The following HNRNPM variants were observed in gnomAD, a reference collection of about 807,000 sequenced individuals.
HNRNPM encodes the protein heterogeneous nuclear ribonucleoprotein M, also known as CEA receptor.
A neutral mutation model predicts 73.1 loss-of-function variants in HNRNPM; 11 were observed. The ratio of observed to expected loss-of-function variants is 0.15; its 90% CI spans 0.09 to 0.25. HNRNPM has a LOEUF of 0.25. Among genes scored for constraint, HNRNPM ranks in the 10% least tolerant of loss-of-function variants. The pLI is 1.00. For missense variants in HNRNPM, 789 were observed against 1,067.9 expected, an observed-to-expected ratio of 0.74 and a Z score of 3.64; for synonymous variants, 407 against 355.2, an observed-to-expected ratio of 1.15 and a Z score of -1.64.
intron 5 of HNRNPM, chr19:8,463,921 G>C: frequency 2.0e-6 from 1 of 487,946 alleles, no homozygotes; most frequent in Non-Finnish European, 3.7e-6. Flanking sequence ...TCTGTGATTT[G>C]TCTGAGGCCT....
intron 8 of HNRNPM, 60 bp downstream of exon 8, chr19:8,467,644 T>TA (rs1462090961): frequency 2.2e-5 from 27 of 1,213,670 alleles, no homozygotes; most frequent in Non-Finnish European, 3.3e-5. Context: ...ATGGAATTAA[T>TA]AAGAGTGTAC....
rs1469660246 is a variant in HNRNPM, at chr19:8,445,328, A to G, written c.113+217A>G. The G allele has an allele frequency of 1.2e-5, 5 of 405,532 alleles. No individual in the cohort carries two copies. In the Admixed American group the frequency reaches 1.4e-4, roughly 11 times the overall value. The allele number at this position is 405,532 out of a possible 1,614,324, so 25.1% of individuals were successfully genotyped here. On this transcript the variant is annotated intron_variant, in intron 1 of 15. Coordinates refer to ENST00000325495, the MANE Select transcript of HNRNPM (RefSeq NM_005968.5). ...CCTACACCGGGCCTCGAGCCTCGCC[A>G]CCCTCAGTCCCTCCAGGCCGGGGCC...
chr19:8,474,322 C>A, intron 12 of HNRNPM, 78 bp downstream of exon 12: 1 of 893,102 alleles, frequency 1.1e-6, no homozygotes, highest in Non-Finnish European at 1.7e-6. Context: ...AGGCTGCAGA[C>A]CCACTGAATA....
At chr19:8,465,061 A>C (rs1390305271) in intron 5 of HNRNPM, among the ~76,000 whole-genome samples, 1 of 151,674 alleles carries the variant, frequency 6.6e-6, no homozygotes, top group African/African-American at 2.4e-5. Context: ...TTCCCTCCCT[A>C]CCCTGCTTTT....
chr19:8,447,605 C>A (rs919382756), intron 1 of HNRNPM, among the ~76,000 whole-genome samples: 11 of 152,076 alleles, frequency 7.2e-5, no homozygotes, highest in Admixed American at 7.2e-4. Flanking sequence ...TGAAGTTGTG[C>A]TGGGTGTAGT....
At chr19:8,459,840 G>C (rs1243366961) in intron 2 of HNRNPM, among the ~76,000 whole-genome samples, 2 of 152,192 alleles carry the variant, frequency 1.3e-5, no homozygotes, top group African/African-American at 4.8e-5. Context: ...TCACTTAAAT[G>C]TTGGTCAAAA....
At chr19:8,475,426 T>G (rs1970431852) in intron 12 of HNRNPM, among the ~76,000 whole-genome samples, 1 of 152,240 alleles carries the variant, frequency 6.6e-6, no homozygotes, top group African/African-American at 2.4e-5. Flanking sequence ...GACTGAGAAG[T>G]CATTAGGGAT....
chr19:8,488,343 C>T (rs532039919), intron 15 of HNRNPM: 23 of 223,758 alleles, frequency 1.0e-4, no homozygotes, highest in South Asian at 3.2e-4. Flanking sequence ...CATTGGATTG[C>T]GGATGGCTTT....
Position 8,473,727 on chromosome 19 carries a change from A to G in HNRNPM, c.1042+19A>G, listed in dbSNP as rs1970318148. 7.0e-7 allele frequency: 1 copy of G among 1,428,984 alleles called. No individual in the cohort carries two copies. The highest frequency in any genetic ancestry group is 9.9e-7 in the Non-Finnish European group (1 of 1,013,494). 88.5% of individuals were successfully genotyped at this position (1,428,984 alleles called of 1,614,324 possible). A position where few individuals can be genotyped will look rare whatever the true frequency, so the allele number is the denominator to read the frequency against. ...ATGGGAGGTAAGAAATTTAAAATGA[A>G]GTACAAGCATAATCACTTTTAGGCA... is the stretch of plus-strand genomic sequence containing the variant. On this transcript the variant is annotated intron_variant, in intron 11 of 15. Transcript: ENST00000325495.
rs17179758 is a variant in HNRNPM at position 8,471,402 on chromosome 19, C to T, written c.972C>T (p.Ile324=). ...PIDANHLNKG[I]GMGNIGPAGM... ...ATGCCAATCACCTGAATAAAGGCAT[C>T]GGAATGGGAAACATAGGTCCCGCAG... is the stretch of plus-strand genomic sequence containing the variant. Residue 324 remains isoleucine, a synonymous_variant, in exon 10 of 16, where the codon ATC becomes ATT. Coordinates refer to ENST00000325495, the MANE Select transcript of HNRNPM (RefSeq NM_005968.5). 49 of 1,604,082 alleles carry T rather than the reference C, an allele frequency of 3.1e-5. No homozygotes were observed. The highest frequency in any genetic ancestry group is 3.0e-4 in the East Asian group (13 of 43,922).
At chr19:8,459,511 G>T (rs1241879940) in intron 2 of HNRNPM, among the ~76,000 whole-genome samples, 1 of 152,140 alleles carries the variant, frequency 6.6e-6, no homozygotes, top group African/African-American at 2.4e-5. Context: ...GGCAGCCTGA[G>T]AATTGACCGT....
intron 8 of HNRNPM, among the ~76,000 whole-genome samples, chr19:8,468,062 A>C (rs1285894469): frequency 6.6e-6 from 1 of 152,214 alleles, no homozygotes; most frequent in African/African-American, 2.4e-5. Context: ...CATTTTGCTC[A>C]TGGCAGCTCT....
chr19:8,473,816 A>G (rs1021537479), intron 11 of HNRNPM, 108 bp downstream of exon 11: 1 of 775,528 alleles, frequency 1.3e-6, no homozygotes, highest in Non-Finnish European at 2.1e-6. Context: ...CTTTGGTTTC[A>G]GTTTGAGTCT....
intron 5 of HNRNPM, among the ~76,000 whole-genome samples, chr19:8,464,416 T>G (rs1276416584): frequency 6.6e-6 from 1 of 152,094 alleles, no homozygotes; most frequent in African/African-American, 2.4e-5. Context: ...GGTGGGTGGA[T>G]CAAGGTCATG....
In HNRNPM at chr19:8,455,587, G is replaced by T. The variant is rs1482574413; in HGVS notation, c.283+13G>T. The T allele has an allele frequency of 6.2e-7, 1 of 1,605,424 alleles. No individual in the cohort carries two copies. Among genetic ancestry groups the T allele is most frequent in the Non-Finnish European group, 8.5e-7 (1 of 1,173,848 alleles). Reference sequence around the variant, plus strand: ...GTTAAAGAAAAAGGTAATGGTACTGGTGATTGAGTAGGGTGAGAAGGTTGG... The same window carrying T: ...GTTAAAGAAAAAGGTAATGGTACTGTTGATTGAGTAGGGTGAGAAGGTTGG... On this transcript the variant is annotated intron_variant, in intron 2 of 15. Transcript: ENST00000325495.
Position 8,488,879 on chromosome 19 carries a change from T to TA in HNRNPM, c.*26dup. On this transcript the variant is annotated 3_prime_UTR_variant, in exon 16 of 16. Transcript: ENST00000325495. Reference sequence around the variant, plus strand: ...AGCAGTTGCCTTTTTTAAACATCGATACGAGACCTCTGAATTTGTATTTTT... The same window carrying TA: ...AGCAGTTGCCTTTTTTAAACATCGATAACGAGACCTCTGAATTTGTATTTTT... 1.9e-6 allele frequency: 3 copies of TA among 1,575,788 alleles called. No individual in the cohort carries two copies. The highest frequency in any genetic ancestry group is 2.6e-6 in the Non-Finnish European group (3 of 1,152,680).
intron 15 of HNRNPM, chr19:8,487,830 C>G (rs1279433791): frequency 6.6e-6 from 1 of 152,348 alleles, no homozygotes; most frequent in Admixed American, 6.5e-5. Flanking sequence ...TCACCTCTTT[C>G]CCCACTCCTG....
intron 1 of HNRNPM, among the ~76,000 whole-genome samples, chr19:8,446,615 C>G (rs1968206449): frequency 6.6e-6 from 1 of 152,146 alleles, no homozygotes. Context: ...GTTGCCCAGG[C>G]TGGTCTGAAA....
At chr19:8,488,519 T>A (rs899940738) in intron 15 of HNRNPM, 172 bp from the exon 16 acceptor site, 13 of 530,742 alleles carry the variant, frequency 2.4e-5, no homozygotes, top group Non-Finnish European at 3.6e-5. Context: ...AGGGGCAGGC[T>A]CTGTTAGCAG....
Sources: gnomAD v4.1 joint callset for allele counts (sites outside exome capture counted in the v4.1 genomes callset) on GRCh38, gnomAD v4.1.1 for gene constraint, MANE v1.5 for transcripts, NCBI Gene and HGNC (gene_info 2026-07-23, HGNC 2026-07-21) for gene names.